The following GEM variants were observed in gnomAD, a reference collection of about 807,000 sequenced individuals.
GEM encodes the protein GTP-binding protein GEM.
A neutral mutation model predicts 33.0 loss-of-function variants in GEM; 31 were observed. The ratio of observed to expected loss-of-function variants is 0.94; its 90% CI spans 0.71 to 1.27. The LOEUF (loss-of-function observed/expected upper bound fraction) is 1.27, where lower values mean the gene tolerates loss of function less well. Ranked by LOEUF, GEM falls within the 50% of genes most tolerant of loss-of-function variation. The pLI is 0.00. For synonymous variants in GEM, 141 were observed against 143.7 expected (o/e 0.98, Z 0.13); for missense variants, 354 against 390.5 (o/e 0.91, Z 0.79).
chr8:94,256,167 C>T (rs577046867), intron 2 of GEM, among the ~76,000 whole-genome samples: 127 of 152,138 alleles, frequency 8.3e-4, no homozygotes, highest in South Asian at 4.4e-3. Context: ...TCCCCCTAAC[C>T]TTGACGTCTC....
chr8:94,259,963 T>C (rs1586066039), intron 2 of GEM: 1 of 494,022 alleles, frequency 2.0e-6, no homozygotes, highest in East Asian at 3.0e-5. Flanking sequence ...TGGCCCAGGA[T>C]CAACAGATTT....
At chr8:94,253,136 T>C (rs750330788) in intron 2 of GEM, 24 bp from the exon 3 acceptor site, 4 of 1,355,918 alleles carry the variant, frequency 3.0e-6, no homozygotes, top group Non-Finnish European at 4.2e-6. Context: ...AACAAAGATA[T>C]TGGAGTCAGG....
At chr8:94,259,219 G>C (rs1185750382) in intron 2 of GEM, among the ~76,000 whole-genome samples, 6 of 152,198 alleles carry the variant, frequency 3.9e-5, no homozygotes, top group Admixed American at 3.3e-4. Flanking sequence ...GAGATGGGCT[G>C]TGGGTAGTGA....
At chr8:94,260,676 A>G (rs576173295) in intron 1 of GEM, 164 bp from the exon 2 acceptor site, 3 of 582,030 alleles carry the variant, frequency 5.2e-6, no homozygotes, top group African/African-American at 3.7e-5. Context: ...CCAACAAGAC[A>G]GGCTTTCAAC....
chr8:94,250,180 C>CT lies in GEM; in HGVS notation c.*129dup, dbSNP rs1808728579. The stretch of plus-strand genomic sequence containing the variant: ...CCCATGCATCATGTTGCCCACAAGG[C>CT]TAATACGCTAGCTCCCTGCTACAAT... On this transcript the variant is annotated 3_prime_UTR_variant, in exon 5 of 5. Coordinates refer to ENST00000297596, the MANE Select transcript of GEM (RefSeq NM_005261.4). 2 of 726,038 alleles carry CT rather than the reference C, an allele frequency of 2.8e-6. No individual in the cohort carries two copies. The allele number at this position is 726,038 out of a possible 1,614,324, so 45.0% of individuals were successfully genotyped here. A position where few individuals can be genotyped will look rare whatever the true frequency, so the allele number is the denominator to read the frequency against.
intron 2 of GEM, among the ~76,000 whole-genome samples, chr8:94,256,760 C>T (rs1441926169): frequency 6.6e-6 from 1 of 152,232 alleles, no homozygotes; most frequent in Non-Finnish European, 1.5e-5. Context: ...GAAACCACCA[C>T]TTTTGAAAGA....
chr8:94,250,645 A>T, intron 4 of GEM, 58 bp from the exon 5 acceptor site: 1 of 1,424,168 alleles, frequency 7.0e-7, no homozygotes, highest in South Asian at 1.3e-5. Flanking sequence ...CATAGCACAC[A>T]GTCAAGCTGG....
intron 1 of GEM, among the ~76,000 whole-genome samples, chr8:94,261,116 GC>G: frequency 6.6e-6 from 1 of 152,062 alleles, no homozygotes; most frequent in African/African-American, 2.4e-5. Flanking sequence ...CTCTCCAGCT[GC>G]CTGGAGAGCA....
Position 94,252,171 on chromosome 8 carries a change from A to G in GEM, c.461T>C (p.Leu154Pro). The change falls in exon 4 of 5, where the codon CTG becomes CCG. Residue 154 changes from leucine to proline, a missense_variant. By Grantham distance (98) the Leu-to-Pro change is moderately conservative. Transcript: ENST00000297596. ...TCGGTCTGTGATTGAGTAGACAATC[A>G]GGTATGCGTCCCCGACCTGCATGCA... ...DHCMQVGDAYLIVYSITDRAS... is the reference protein window; with the variant it reads ...DHCMQVGDAYPIVYSITDRAS... The G allele has an allele frequency of 6.2e-7, 1 of 1,613,710 alleles. No individual in the cohort carries two copies. Among genetic ancestry groups the G allele is most frequent in the Non-Finnish European group, 8.5e-7 (1 of 1,179,650 alleles).
chr8:94,252,202 C>A lies in GEM; in HGVS notation c.430G>T (p.Asp144Tyr). ...ENKGENEWLH[D>Y]HCMQVGDAYL... The stretch of plus-strand genomic sequence containing the variant: ...GCGTCCCCGACCTGCATGCAGTGGT[C>A]ATGGAGCCATTCATTTTCCCCCTAA... Residue 144 changes from aspartate (D) to tyrosine (Y), a missense_variant, in exon 4 of 5, where the codon GAC (aspartate) becomes TAC (tyrosine). Coordinates refer to ENST00000297596, the MANE Select transcript of GEM (RefSeq NM_005261.4). 1.2e-6 allele frequency: 2 copies of A among 1,610,918 alleles called. No homozygotes were observed. The highest frequency in any genetic ancestry group is 1.1e-5 in the South Asian group (1 of 91,024).
At position 94,260,524 on chromosome 8, in the gene GEM, A is replaced by AG. The variant is rs1786950454; in HGVS notation, c.-9-13dup. The AG allele has an allele frequency of 6.6e-7, 1 of 1,518,788 alleles. No individual in the cohort carries two copies. The highest frequency in any genetic ancestry group is 9.0e-7 in the Non-Finnish European group (1 of 1,110,248). 94.1% of individuals were successfully genotyped at this position (1,518,788 alleles called of 1,614,324 possible). On this transcript the variant is annotated splice_polypyrimidine_tract_variant and intron_variant, in intron 1 of 4. Coordinates refer to ENST00000297596, the MANE Select transcript of GEM (RefSeq NM_005261.4). ...GTCATCGTTGAGTCCTGGGGAGCAA[A>AG]GCAGCCAAGATGGCAGCATTAGTAA...
chr8:94,260,556 G>T, intron 1 of GEM, 44 bp from the exon 2 acceptor site: 1 of 1,113,472 alleles, frequency 9.0e-7, no homozygotes, highest in Non-Finnish European at 1.3e-6. Flanking sequence ...GTAAGCATGA[G>T]TGAGAGCTCC....
intron 2 of GEM, 89 bp downstream of exon 2, chr8:94,260,084 A>T: frequency 2.4e-6 from 2 of 841,206 alleles, no homozygotes; most frequent in South Asian, 1.6e-5. Flanking sequence ...TCAGCTCCCA[A>T]CTCTGTGGGT....
intron 3 of GEM, 138 bp from the exon 4 acceptor site, chr8:94,252,361 A>T: frequency 1.6e-6 from 1 of 642,408 alleles, no homozygotes; most frequent in South Asian, 1.9e-5. Flanking sequence ...ATCGCTTCCA[A>T]CTCCCTAAAA....
chr8:94,250,435 G>A lies in GEM; in HGVS notation c.766C>T (p.Gln256Ter). The change falls in exon 5 of 5, where the codon CAG becomes TAG. Residue 256 changes from glutamine to a stop codon, truncating the protein, a stop_gained. Coordinates refer to ENST00000297596, the MANE Select transcript of GEM (RefSeq NM_005261.4). LOFTEE classifies it high-confidence loss of function. ...KEKNERRLAYQKRKESMPRKA... is the reference protein window; with the variant it reads ...KEKNERRLAY ...CTGGGCATGCTCTCCTTCCTTTTCT[G>A]GTAGGCCAGCCGCCGTTCATTCTTC... The A allele has an allele frequency of 2.5e-6, 4 of 1,614,182 alleles. No homozygotes were observed. In the South Asian group the frequency reaches 3.3e-5, roughly 13 times the overall value.
chr8:94,252,317 C>T (rs1447255529), intron 3 of GEM, 94 bp from the exon 4 acceptor site: 5 of 840,440 alleles, frequency 5.9e-6, no homozygotes, highest in Admixed American at 4.1e-5. Flanking sequence ...CTAAAGTACA[C>T]TTGCTGATAG....
intron 3 of GEM, 24 bp downstream of exon 3, chr8:94,253,012 T>C: frequency 7.3e-7 from 1 of 1,363,252 alleles, no homozygotes; most frequent in East Asian, 2.3e-5. Context: ...TAAAGGAATT[T>C]AGAGAGCTAC....
At chr8:94,254,861 G>A (rs540786227) in intron 2 of GEM, among the ~76,000 whole-genome samples, 50 of 152,272 alleles carry the variant, frequency 3.3e-4, no homozygotes, top group South Asian at 2.1e-3. Flanking sequence ...TAATCAGTAA[G>A]TGTTTGCCCT....
At chr8:94,259,876 G>A (rs537587446) in intron 2 of GEM, 11 of 296,144 alleles carry the variant, frequency 3.7e-5, no homozygotes, top group East Asian at 2.4e-4. Context: ...CAAGTGGGGC[G>A]CTGACCCTCT....
Sources: gnomAD v4.1 joint callset for allele counts (sites outside exome capture counted in the v4.1 genomes callset) on GRCh38, gnomAD v4.1.1 for gene constraint, MANE v1.5 for transcripts, NCBI Gene and HGNC (gene_info 2026-07-23, HGNC 2026-07-21) for gene names.